Variants in GNAQ observed in about 807,000 individuals in gnomAD.
GNAQ encodes G protein subunit alpha q, also known as guanine nucleotide-binding protein G(q) subunit alpha.
GNAQ carries 8 observed loss-of-function variants against 43.9 expected under a neutral mutation model. The observed-to-expected ratio is 0.18, with a 90% CI of 0.11 to 0.33. The LOEUF is 0.33. GNAQ is among the 10% of genes least tolerant of loss of function. GNAQ has a pLI of 1.00. For missense variants in GNAQ, 158 were observed against 450.8 expected (o/e 0.35, Z 5.88); for synonymous variants, 155 against 170.7 (o/e 0.91, Z 0.71).
At chr9:77,860,301 T>A (rs909632119) in intron 2 of GNAQ, among the ~76,000 whole-genome samples, 2 of 152,134 alleles carry the variant, frequency 1.3e-5, no homozygotes, top group African/African-American at 4.8e-5. Flanking sequence ...CCCATCTTTC[T>A]GACTAGTTTC....
At chr9:77,749,773 T>C (rs1825783511) in intron 5 of GNAQ, among the ~76,000 whole-genome samples, 1 of 152,294 alleles carries the variant, frequency 6.6e-6, no homozygotes, top group Non-Finnish European at 1.5e-5. Context: ...CATGAAACCA[T>C]ACTTTTCCTT....
chr9:77,838,001 G>A (rs926704952), intron 2 of GNAQ, among the ~76,000 whole-genome samples: 4 of 151,830 alleles, frequency 2.6e-5, no homozygotes, highest in African/African-American at 9.7e-5. Flanking sequence ...GGAACTACAG[G>A]TATGCGCCAC....
chr9:77,761,078 C>G (rs1289339150), intron 5 of GNAQ, among the ~76,000 whole-genome samples: 1 of 151,998 alleles, frequency 6.6e-6, no homozygotes, highest in Non-Finnish European at 1.5e-5. Flanking sequence ...AAGTGAGGAG[C>G]GTCTCTGCCC....
intron 2 of GNAQ, among the ~76,000 whole-genome samples, chr9:77,902,881 T>C (rs1828635832): frequency 6.6e-6 from 1 of 152,210 alleles, no homozygotes; most frequent in Admixed American, 6.5e-5. Flanking sequence ...AGCTTTCTTT[T>C]ACTTCACGTA....
chr9:77,982,108 A>T (rs1823375702), intron 1 of GNAQ, among the ~76,000 whole-genome samples: 1 of 152,226 alleles, frequency 6.6e-6, no homozygotes, highest in South Asian at 2.1e-4. Context: ...TAGCACAGAA[A>T]GATTATACAA....
At chr9:77,821,752 T>TGG in intron 2 of GNAQ, among the ~76,000 whole-genome samples, 1 of 151,918 alleles carries the variant, frequency 6.6e-6, no homozygotes, top group Non-Finnish European at 1.5e-5. Context: ...TGTGTGTGTG[T>TGG]GTGTGTATGT....
chr9:77,732,519 C>T (rs1289910685), intron 5 of GNAQ, among the ~76,000 whole-genome samples: 2 of 152,124 alleles, frequency 1.3e-5, no homozygotes, highest in East Asian at 1.9e-4. Context: ...GTGTCCGCCA[C>T]CACACCTGGC....
At chr9:77,853,064 G>C (rs137990583) in intron 2 of GNAQ, among the ~76,000 whole-genome samples, 1 of 152,190 alleles carries the variant, frequency 6.6e-6, no homozygotes, top group Non-Finnish European at 1.5e-5. Flanking sequence ...TTTTAGAAAA[G>C]GAAAAGAGAC....
intron 2 of GNAQ, among the ~76,000 whole-genome samples, chr9:77,853,270 T>C (rs12006292): frequency 1.1e-4 from 16 of 152,268 alleles, no homozygotes; most frequent in Admixed American, 2.6e-4. Flanking sequence ...TCTTTGGGCA[T>C]ATTTTTAACT....
intron 5 of GNAQ, among the ~76,000 whole-genome samples, chr9:77,775,627 T>C (rs1038311571): frequency 6.6e-6 from 1 of 151,868 alleles, no homozygotes; most frequent in African/African-American, 2.4e-5. Flanking sequence ...GGTCTCGATC[T>C]CTTGACGTGA....
At chr9:77,744,747 TTAAATAAC>T (rs1294228984) in intron 5 of GNAQ, among the ~76,000 whole-genome samples, 2 of 152,038 alleles carry the variant, frequency 1.3e-5, no homozygotes, top group Non-Finnish European at 2.9e-5. Flanking sequence ...TCAAAACTTG[TTAAATAAC>T]TAAAGGTAAA....
chr9:77,780,001 A>G (rs1186150760), intron 5 of GNAQ, among the ~76,000 whole-genome samples: 1 of 152,002 alleles, frequency 6.6e-6, no homozygotes, highest in Non-Finnish European at 1.5e-5. Flanking sequence ...ATGTTTTAAA[A>G]TTGGCACATA....
At chr9:77,778,859 C>T (rs1355665102) in intron 5 of GNAQ, among the ~76,000 whole-genome samples, 1 of 151,834 alleles carries the variant, frequency 6.6e-6, no homozygotes, top group East Asian at 1.9e-4. Flanking sequence ...ATAACGGGGT[C>T]AATTCTCCAA....
chr9:77,849,894 G>T (rs1827645691), intron 2 of GNAQ, among the ~76,000 whole-genome samples: 1 of 152,102 alleles, frequency 6.6e-6, no homozygotes, highest in African/African-American at 2.4e-5. Flanking sequence ...TCAAACTCCT[G>T]GCCTCCCAAA....
intron 1 of GNAQ, among the ~76,000 whole-genome samples, chr9:78,024,008 C>A (rs1823945324): frequency 7.0e-6 from 1 of 142,898 alleles, no homozygotes; most frequent in South Asian, 2.2e-4. Flanking sequence ...GCACCACAAT[C>A]CATTACTTGA....
intron 5 of GNAQ, among the ~76,000 whole-genome samples, chr9:77,784,800 ATAGAAT>A (rs1394987188): frequency 4.6e-5 from 7 of 152,256 alleles, no homozygotes; most frequent in African/African-American, 1.4e-4. Context: ...GAAAACTGAC[ATAGAAT>A]TAAATAAGCA....
intron 3 of GNAQ, among the ~76,000 whole-genome samples, chr9:77,812,380 C>A (rs1826942891): frequency 6.6e-6 from 1 of 152,138 alleles, no homozygotes; most frequent in East Asian, 1.9e-4. Context: ...AAGTGTACAA[C>A]ATCACTTATA....
Position 77,859,413 on chromosome 9 carries a change from C to A in GNAQ, c.322-43643G>T, listed in dbSNP as rs570648257. On this transcript the variant is annotated intron_variant, in intron 2 of 6. Coordinates refer to ENST00000286548, the MANE Select transcript of GNAQ (RefSeq NM_002072.5). The stretch of plus-strand genomic sequence containing the variant: ...ATTTAATAATTTCATTAAATCAATC[C>A]TACATTTAGATCCACATATCTGTTT... Among the ~76,000 whole-genome samples, 15 of 152,164 alleles carry A rather than the reference C, an allele frequency of 9.9e-5. 1 individual carries two copies. In the South Asian group the frequency reaches 3.1e-3, roughly 32 times the overall value.
chr9:77,760,608 C>T (rs1239081608), intron 5 of GNAQ, among the ~76,000 whole-genome samples: 1 of 152,184 alleles, frequency 6.6e-6, no homozygotes, highest in Admixed American at 6.5e-5. Flanking sequence ...GCCCAGAGTG[C>T]AGCCTCTGCC....
Sources: allele counts gnomAD v4.1 joint callset (sites outside exome capture counted in the v4.1 genomes callset), GRCh38; gene constraint gnomAD v4.1.1; transcripts MANE v1.5; gene names NCBI Gene and HGNC (gene_info 2026-07-23, HGNC 2026-07-21).